Variants in PRKG1 observed in about 807,000 individuals in gnomAD.
PRKG1 encodes cGMP-dependent protein kinase 1.
Under a neutral mutation model 88.1 loss-of-function variants are expected in PRKG1, and 35 were observed. The observed-to-expected ratio is 0.40, with a 90% CI of 0.30 to 0.53. PRKG1 has a LOEUF of 0.53. Among genes scored for constraint, PRKG1 ranks in the 20% least tolerant of loss-of-function variants. PRKG1 has a pLI of 0.59. For missense variants in PRKG1, 540 were observed against 839.8 expected (o/e 0.64, Z 4.41); for synonymous variants, 303 against 292.5 (o/e 1.04, Z -0.37).
At chr10:51,484,568 C>T (rs531123265) in intron 3 of PRKG1, among the ~76,000 whole-genome samples, 30 of 152,062 alleles carry the variant, frequency 2.0e-4, no homozygotes, top group Non-Finnish European at 2.4e-4. Context: ...TAAGCTGCAG[C>T]GCCTGGCCCC....
chr10:51,470,564 T>C (rs1162953908), intron 3 of PRKG1, among the ~76,000 whole-genome samples: 1 of 151,930 alleles, frequency 6.6e-6, no homozygotes, highest in East Asian at 1.9e-4. Context: ...ATTTTCACAG[T>C]GGTAACTAAA....
chr10:51,641,683 A>G (rs751900962), intron 3 of PRKG1, among the ~76,000 whole-genome samples: 4 of 151,978 alleles, frequency 2.6e-5, no homozygotes, highest in Non-Finnish European at 5.9e-5. Flanking sequence ...AACCGCGATG[A>G]CTTTTGCACC....
chr10:51,551,272 G>A (rs564826597), intron 3 of PRKG1, among the ~76,000 whole-genome samples: 1 of 151,868 alleles, frequency 6.6e-6, no homozygotes, highest in Non-Finnish European at 1.5e-5. Flanking sequence ...AGGATCCTTT[G>A]TTAAGGAATT....
chr10:51,016,179 A>G (rs747474020), intron 1 of PRKG1, among the ~76,000 whole-genome samples: 1 of 152,222 alleles, frequency 6.6e-6, no homozygotes, highest in Non-Finnish European at 1.5e-5. Flanking sequence ...TTGGCAGGGA[A>G]CAGGATACAG....
chr10:51,637,548 G>A (rs538590429), intron 3 of PRKG1, among the ~76,000 whole-genome samples: 3 of 152,298 alleles, frequency 2.0e-5, no homozygotes, highest in African/African-American at 7.2e-5. Flanking sequence ...ACTAGATAAA[G>A]AAAATGTTGT....
At chr10:51,137,421 T>C (rs933468413) in intron 1 of PRKG1, among the ~76,000 whole-genome samples, 1 of 152,186 alleles carries the variant, frequency 6.6e-6, no homozygotes, top group African/African-American at 2.4e-5. Context: ...GGATAAGTCC[T>C]GGGCATCTGT....
chr10:51,430,790 C>A (rs185046790), intron 2 of PRKG1, among the ~76,000 whole-genome samples: 184 of 152,252 alleles, frequency 1.2e-3, no homozygotes, highest in Non-Finnish European at 1.9e-3. Flanking sequence ...TGAACTACAA[C>A]ATAGATGAAC....
chr10:52,067,490 C>T (rs1564454707), intron 7 of PRKG1, among the ~76,000 whole-genome samples: 2 of 152,258 alleles, frequency 1.3e-5, no homozygotes, highest in African/African-American at 2.4e-5. Context: ...AAACTCAACA[C>T]CCTTTCTCCA....
intron 5 of PRKG1, among the ~76,000 whole-genome samples, chr10:51,957,688 G>A (rs1282512956): frequency 6.6e-6 from 1 of 152,136 alleles, no homozygotes; most frequent in Non-Finnish European, 1.5e-5. Context: ...TCCAGAATAA[G>A]AGAGAGAATC....
At chr10:52,129,077 A>T (rs768670551) in intron 7 of PRKG1, among the ~76,000 whole-genome samples, 6 of 152,178 alleles carry the variant, frequency 3.9e-5, no homozygotes, top group Non-Finnish European at 8.8e-5. Context: ...CCTGATCTGT[A>T]AAAAAGTACA....
intron 1 of PRKG1, among the ~76,000 whole-genome samples, chr10:51,030,071 A>G (rs910001344): frequency 6.6e-6 from 1 of 152,164 alleles, no homozygotes; most frequent in African/African-American, 2.4e-5. Context: ...AATTCAAGTC[A>G]TTCCATGCAT....
At chr10:52,202,117 C>T (rs964898430) in intron 9 of PRKG1, among the ~76,000 whole-genome samples, 17 of 151,962 alleles carry the variant, frequency 1.1e-4, no homozygotes, top group African/African-American at 3.1e-4. Flanking sequence ...TGAGAATTAG[C>T]ATCTTTGTCT....
chr10:51,581,934 TA>T (rs559693897), intron 3 of PRKG1, among the ~76,000 whole-genome samples: 10,830 of 146,856 alleles, frequency 0.074, 1,272 homozygotes, highest in African/African-American at 0.25. Flanking sequence ...ATAAGTACAT[TA>T]AAAAAAAAAA....
intron 1 of PRKG1, among the ~76,000 whole-genome samples, chr10:51,139,453 C>T (rs1845772357): frequency 6.6e-6 from 1 of 152,150 alleles, no homozygotes; most frequent in South Asian, 2.1e-4. Context: ...ATGTCCACTG[C>T]CCTGGTTGTC....
chr10:51,659,515 T>C (rs1195262646), intron 3 of PRKG1, among the ~76,000 whole-genome samples: 1 of 152,096 alleles, frequency 6.6e-6, no homozygotes, highest in South Asian at 2.1e-4. Flanking sequence ...TATGATGATG[T>C]GATGACTAAA....
At chr10:51,776,825 A>AAAAAC (rs1399913220) in intron 3 of PRKG1, among the ~76,000 whole-genome samples, 3 of 152,148 alleles carry the variant, frequency 2.0e-5, no homozygotes, top group Admixed American at 6.6e-5. Context: ...ACTCTGTCTC[A>AAAAAC]AAAACAAAAC....
At chr10:52,073,757 T>C (rs1334799072) in intron 7 of PRKG1, among the ~76,000 whole-genome samples, 1 of 152,196 alleles carries the variant, frequency 6.6e-6, no homozygotes, top group Non-Finnish European at 1.5e-5. Context: ...TGTGATATAA[T>C]GGCCCATTGG....
At chr10:51,023,331 G>A (rs1589111741) in intron 1 of PRKG1, among the ~76,000 whole-genome samples, 2 of 152,304 alleles carry the variant, frequency 1.3e-5, no homozygotes, top group Admixed American at 1.3e-4. Flanking sequence ...TTTGCTGTGT[G>A]AAAAATTCAG....
intron 3 of PRKG1, among the ~76,000 whole-genome samples, chr10:51,518,780 A>G (rs1034192747): frequency 2.0e-5 from 3 of 152,214 alleles, no homozygotes. Context: ...TCAAAATAAG[A>G]ATGACATATT....
Sources: allele counts gnomAD v4.1 joint callset (sites outside exome capture counted in the v4.1 genomes callset), GRCh38; gene constraint gnomAD v4.1.1; transcripts MANE v1.5; gene names NCBI Gene and HGNC (gene_info 2026-07-23, HGNC 2026-07-21).